The following PRRG1 variants were observed in gnomAD, a reference collection of about 807,000 sequenced individuals.
The protein encoded by PRRG1 is proline rich and Gla domain 1, also known as transmembrane gamma-carboxyglutamic acid protein 1.
A neutral mutation model predicts 11.8 loss-of-function variants in PRRG1; 5 were observed. That is an observed-to-expected ratio of 0.42 (90% CI 0.22 to 0.89). The LOEUF is 0.89. Ranked by LOEUF, PRRG1 falls within the 40% of genes least tolerant of loss-of-function variation. The pLI is 0.28. For synonymous variants in PRRG1, 66 were observed against 60.4 expected, an observed-to-expected ratio of 1.09 and a Z score of -0.43; for missense variants, 155 against 166.1, an observed-to-expected ratio of 0.93 and a Z score of 0.37.
At chrX:37,433,568 GTT>G (rs66691045) in intron 3 of PRRG1, among the ~76,000 whole-genome samples, 15 of 100,284 alleles carry the variant, frequency 1.5e-4, no homozygotes, top group African/African-American at 5.0e-4. Context: ...ACATCTATTT[GTT>G]TTTTTTTTTA....
chrX:37,417,258 T>C (rs1460334032), intron 2 of PRRG1, among the ~76,000 whole-genome samples: 1 of 110,982 alleles, frequency 9.0e-6, no homozygotes, highest in African/African-American at 3.3e-5. Context: ...TTAATAATCA[T>C]TATTTTTTTC....
intron 1 of PRRG1, among the ~76,000 whole-genome samples, chrX:37,384,968 A>C (rs1192079247): frequency 2.7e-5 from 3 of 111,792 alleles, no homozygotes; most frequent in Non-Finnish European, 5.6e-5. Context: ...ATAGGCATAC[A>C]CCCAACAGAA....
intron 1 of PRRG1, among the ~76,000 whole-genome samples, chrX:37,354,830 A>C (rs782281183): frequency 9.0e-6 from 1 of 111,596 alleles, no homozygotes; most frequent in South Asian, 3.8e-4. Flanking sequence ...TTGTTGGTTT[A>C]ATTATACTTC....
intron 1 of PRRG1, among the ~76,000 whole-genome samples, chrX:37,361,370 T>G (rs1246555739): frequency 1.8e-5 from 2 of 111,291 alleles, no homozygotes; most frequent in Non-Finnish European, 3.8e-5. Context: ...ATAATTGCTA[T>G]TCTTTCTCCA....
At chrX:37,356,531 A>T (rs1183718271) in intron 1 of PRRG1, among the ~76,000 whole-genome samples, 1 of 110,471 alleles carries the variant, frequency 9.1e-6, no homozygotes, top group Non-Finnish European at 1.9e-5. Flanking sequence ...AGCAAGAAGG[A>T]TTGTGGGAGT....
chrX:37,374,628 C>T (rs1467478779), intron 1 of PRRG1, among the ~76,000 whole-genome samples: 1 of 111,539 alleles, frequency 9.0e-6, no homozygotes, highest in Non-Finnish European at 1.9e-5. Flanking sequence ...TGTGTAATTT[C>T]TATTGATCTG....
At chrX:37,374,529 A>C (rs1592074) in intron 1 of PRRG1, among the ~76,000 whole-genome samples, 22,005 of 110,158 alleles carry the variant, frequency 0.2, 2,523 homozygotes, top group African/African-American at 0.44. Context: ...TGGTATACTA[A>C]ATTCGCTTAT....
At chrX:37,379,442 A>C (rs782701792) in intron 1 of PRRG1, among the ~76,000 whole-genome samples, 1 of 110,872 alleles carries the variant, frequency 9.0e-6, no homozygotes, top group South Asian at 3.8e-4. Context: ...ACATAGGTAG[A>C]TATATGTTTA....
chrX:37,420,206 A>G (rs1932614727), intron 2 of PRRG1, among the ~76,000 whole-genome samples: 1 of 111,473 alleles, frequency 9.0e-6, no homozygotes, highest in African/African-American at 3.3e-5. Flanking sequence ...TTTTCTTCAC[A>G]TGGCTATTTG....
At position 37,355,343 on chromosome X, in the gene PRRG1, G is replaced by A. The variant is rs182687290; in HGVS notation, c.-42+5948G>A. Among the ~76,000 whole-genome samples, 53 of 111,698 alleles carry A rather than the reference G, an allele frequency of 4.7e-4. No homozygotes were observed. In the East Asian group the frequency reaches 0.014, roughly 30 times the overall value. ...ACTCATAAAATCTGGATTTCAGGGTGTGGGATCTAGGCATGAAAAAATTCC... is the reference window on the plus strand; with the variant it reads ...ACTCATAAAATCTGGATTTCAGGGTATGGGATCTAGGCATGAAAAAATTCC... On this transcript the variant is annotated intron_variant, in intron 1 of 3. Coordinates refer to ENST00000378628, the MANE Select transcript of PRRG1 (RefSeq NM_001142395.2).
chrX:37,449,415 C>A (rs1556395998), intron 3 of PRRG1, among the ~76,000 whole-genome samples: 2 of 112,402 alleles, frequency 1.8e-5, no homozygotes, highest in Non-Finnish European at 3.8e-5. Flanking sequence ...TGAGGTCAGG[C>A]CTTGAGTCAC....
At chrX:37,388,616 T>C (rs782504384) in intron 1 of PRRG1, among the ~76,000 whole-genome samples, 1 of 113,268 alleles carries the variant, frequency 8.8e-6, no homozygotes, top group Non-Finnish European at 1.9e-5. Context: ...TCGGGAGCAG[T>C]GTCCCCCGGC....
intron 1 of PRRG1, among the ~76,000 whole-genome samples, chrX:37,365,321 C>T (rs370087022): frequency 9.0e-6 from 1 of 111,243 alleles, no homozygotes; most frequent in African/African-American, 3.3e-5. Flanking sequence ...CCAGATGTTC[C>T]AGTAGATAAC....
intron 1 of PRRG1, among the ~76,000 whole-genome samples, chrX:37,401,382 A>T (rs1451010146): frequency 9.0e-6 from 1 of 111,313 alleles, no homozygotes; most frequent in Non-Finnish European, 1.9e-5. Flanking sequence ...AAAGACAAAA[A>T]CCACATGATT....
chrX:37,432,197 C>T (rs1355740554), intron 3 of PRRG1, among the ~76,000 whole-genome samples: 27 of 109,108 alleles, frequency 2.5e-4, no homozygotes, highest in African/African-American at 9.1e-4. Flanking sequence ...ACGCCATTCT[C>T]CTGCCTCAGC....
At chrX:37,416,192 C>A (rs6609779) in intron 2 of PRRG1, among the ~76,000 whole-genome samples, 1 of 111,949 alleles carries the variant, frequency 8.9e-6, no homozygotes, top group East Asian at 2.8e-4. Flanking sequence ...TAGCCAAATG[C>A]GTTTGTAGTA....
At position 37,456,293 on chromosome X, in the gene PRRG1, A is replaced by G. The variant is rs1484199093; in HGVS notation, c.*2672A>G. 1.2e-4 allele frequency: 14 copies of G among 112,208 alleles called. No individual in the cohort carries two copies. Among genetic ancestry groups the G allele is most frequent in the African/African-American group, 4.5e-4 (14 of 30,920 alleles). The allele number at this position is 112,208 out of a possible 1,213,427, so 9.2% of individuals were successfully genotyped here. ...AAGTTTTAGAGCTACAGGATTAGACATAGGAGCAGGATATTCTGTTAGTGT... is the reference window on the plus strand; with the variant it reads ...AAGTTTTAGAGCTACAGGATTAGACGTAGGAGCAGGATATTCTGTTAGTGT... On this transcript the variant is annotated 3_prime_UTR_variant, in exon 4 of 4. Transcript: ENST00000378628.
intron 1 of PRRG1, among the ~76,000 whole-genome samples, chrX:37,353,818 A>G (rs1188085473): frequency 8.9e-6 from 1 of 112,418 alleles, no homozygotes; most frequent in African/African-American, 3.2e-5. Context: ...ACATTCTATG[A>G]TGTTGACACA....
At chrX:37,381,156 T>C (rs782383242) in intron 1 of PRRG1, among the ~76,000 whole-genome samples, 168 of 111,599 alleles carry the variant, frequency 1.5e-3, no homozygotes, top group African/African-American at 5.1e-3. Flanking sequence ...CATCTGACAT[T>C]GGTCTGAACC....
Sources: gnomAD v4.1 joint callset for allele counts (sites outside exome capture counted in the v4.1 genomes callset) on GRCh38, gnomAD v4.1.1 for gene constraint, MANE v1.5 for transcripts, NCBI Gene and HGNC (gene_info 2026-07-23, HGNC 2026-07-21) for gene names.